NLRP2: variants seen among roughly 807,000 people sequenced by gnomAD.
NLRP2 encodes the protein NACHT, LRR and PYD domains-containing protein 2.
In NLRP2, 107 loss-of-function variants were observed where a neutral mutation model predicts 97.2. That is an observed-to-expected ratio of 1.10 (90% CI 0.94 to 1.29). NLRP2 has a LOEUF of 1.29. NLRP2 is among the 50% of genes most tolerant of loss of function. The pLI, the probability that NLRP2 is intolerant of heterozygous loss-of-function variation, is 0.00. For synonymous variants in NLRP2, 663 were observed against 551.5 expected, an observed-to-expected ratio of 1.20 and a Z score of -2.83; for missense variants, 1,495 against 1,330.3, an observed-to-expected ratio of 1.12 and a Z score of -1.93.
At chr19:54,977,637 C>G in intron 3 of NLRP2, 115 bp from the exon 4 acceptor site, 1 of 981,488 alleles carries the variant, frequency 1.0e-6, no homozygotes, top group Non-Finnish European at 1.6e-6. Flanking sequence ...TATCAACGTC[C>G]TTTTTAGTAC....
intron 10 of NLRP2, chr19:54,991,605 T>C (rs2072480830): frequency 6.6e-6 from 1 of 151,862 alleles, no homozygotes. Context: ...CCTGGCATGG[T>C]GGCTCATGCC....
intron 3 of NLRP2, chr19:54,976,906 C>CT (rs1370680757): frequency 9.8e-6 from 4 of 408,528 alleles, no homozygotes; most frequent in African/African-American, 2.2e-5. Flanking sequence ...TCTCCGCCTC[C>CT]TGGGTTCAAG....
chr19:54,981,236 C>T (rs534419740), intron 4 of NLRP2, among the ~76,000 whole-genome samples: 2 of 152,176 alleles, frequency 1.3e-5, no homozygotes, highest in Admixed American at 1.3e-4. Context: ...GTAGTGCGAT[C>T]TCTTACTACA....
chr19:54,990,714 A>G (rs2072419193), intron 10 of NLRP2, 42 bp downstream of exon 10: 2 of 1,600,342 alleles, frequency 1.2e-6, no homozygotes, highest in Non-Finnish European at 1.7e-6. Context: ...GTGTATATGC[A>G]CACGCCCCCC....
Position 54,982,305 on chromosome 19 carries a change from G to A in NLRP2, c.607G>A (p.Gly203Arg), listed in dbSNP as rs368045816. The change falls in exon 6 of 13, where the codon GGG (glycine) becomes AGG (arginine). Residue 203 changes from glycine to arginine, a missense_variant. Transcript: ENST00000448584. Reference protein sequence around the residue: ...IPFSNPRVLPGPFSYTVVLYG... With the variant: ...IPFSNPRVLPRPFSYTVVLYG... Reference sequence around the variant, plus strand: ...ATTCAGCAACCCCAGGGTGCTTCCCGGGCCCTTCTCATACACGGTGGTGCT... The same window carrying A: ...ATTCAGCAACCCCAGGGTGCTTCCCAGGCCCTTCTCATACACGGTGGTGCT... 8.7e-6 allele frequency: 14 copies of A among 1,613,942 alleles called. No homozygotes were observed. The highest frequency in any genetic ancestry group is 5.0e-5 in the Admixed American group (3 of 59,968).
At chr19:54,990,739 G>GT (rs2072422338) in intron 10 of NLRP2, 67 bp downstream of exon 10, 10 of 1,544,170 alleles carry the variant, frequency 6.5e-6, no homozygotes, top group Non-Finnish European at 9.0e-6. Context: ...CCGGGTTTGA[G>GT]TAGGGTGGTT....
Position 54,997,475 on chromosome 19 carries a change from T to G in NLRP2, c.3038T>G (p.Leu1013Arg). ...FETLTCSSGT[L>R]RTLRLKIDDF... The stretch of plus-strand genomic sequence containing the variant: ...ACCTTGACATGTTCCAGTGGCACCC[T>G]CCGGACACTCAGGTATGATCCATTT... Residue 1013 changes from leucine to arginine, a missense_variant, in exon 12 of 13, where the codon CTC (leucine) becomes CGC (arginine). Physicochemically the swap from Leu to Arg is moderately radical, Grantham distance 102. Transcript: ENST00000448584. 1 of 1,614,160 alleles carries G rather than the reference T, an allele frequency of 6.2e-7. No individual in the cohort carries two copies. Among genetic ancestry groups the G allele is most frequent in the Non-Finnish European group, 8.5e-7 (1 of 1,180,018 alleles).
chr19:54,973,768 CTG>C (rs2146361073), intron 2 of NLRP2: 1 of 541,426 alleles, frequency 1.8e-6, no homozygotes, highest in Non-Finnish European at 3.6e-6. Flanking sequence ...GGTCTGGGCT[CTG>C]AAAAAGATAC....
In NLRP2 at chr19:54,985,196, C is replaced by G. The variant is rs758035297; in HGVS notation, c.2180C>G (p.Thr727Ser). The change falls in exon 7 of 13, where the codon ACC (threonine) becomes AGC (serine). Residue 727 changes from threonine (T) to serine (S), a missense_variant. Transcript: ENST00000448584. ...RILCEQIASD[T>S]CHLQRVVFKN... Reference sequence around the variant, plus strand: ...CTGTGTGAACAAATAGCCTCTGACACCTGTCATCTCCAGAGAGTGGTGTAA... The same window carrying G: ...CTGTGTGAACAAATAGCCTCTGACAGCTGTCATCTCCAGAGAGTGGTGTAA... 1.2e-6 allele frequency: 2 copies of G among 1,613,920 alleles called. No homozygotes were observed. Among genetic ancestry groups the G allele is most frequent in the East Asian group, 4.5e-5 (2 of 44,892 alleles).
Position 54,986,319 on chromosome 19 carries a change from T to TG in NLRP2, c.2366+4_2366+5insG. 1.2e-6 allele frequency: 2 copies of TG among 1,611,484 alleles called. No individual in the cohort carries two copies. The highest frequency in any genetic ancestry group is 1.7e-6 in the Non-Finnish European group (2 of 1,177,624). ...AATGTAACCTGCGATATCTCGGGTA[T>TG]ATCTCTTAATCATTAAAATCCTTCA... On this transcript the variant is annotated splice_donor_region_variant and intron_variant, in intron 8 of 12. Transcript: ENST00000448584.
intron 3 of NLRP2, chr19:54,976,773 C>T (rs2071254718): frequency 4.8e-6 from 2 of 419,526 alleles, no homozygotes; most frequent in Non-Finnish European, 4.6e-6. Context: ...CAGGGTTAAG[C>T]TGCAGATATT....
At chr19:54,979,653 C>T (rs953511624) in intron 4 of NLRP2, among the ~76,000 whole-genome samples, 1 of 151,810 alleles carries the variant, frequency 6.6e-6, no homozygotes, top group Non-Finnish European at 1.5e-5. Flanking sequence ...ACCTAGCCCA[C>T]ATTGACTTTT....
rs1446138202 is a variant in NLRP2 at position 54,970,129 on chromosome 19, G to C, written c.114G>C (p.Glu38Asp). ...YLITTFSLAH[E>D]LQKIPHKEVD... is the part of the protein sequence containing the mutation. ...TCACGACCTTCTCCCTGGCACACGA[G>C]CTCCAGAAGATCCCCCACAAGGAGG... Residue 38 changes from glutamate (E) to aspartate (D), a missense_variant, in exon 2 of 13, where the codon GAG becomes GAC. By Grantham distance (45) the Glu-to-Asp change is conservative (BLOSUM62 2). Coordinates refer to ENST00000448584, the MANE Select transcript of NLRP2 (RefSeq NM_017852.5). The C allele has an allele frequency of 6.2e-7, 1 of 1,614,090 alleles. No individual in the cohort carries two copies. The highest frequency in any genetic ancestry group is 1.1e-5 in the South Asian group (1 of 91,086).
rs754698461 is a variant in NLRP2, at chr19:54,982,324, T to C, written c.626T>C (p.Val209Ala). The change falls in exon 6 of 13, where the codon GTG (valine) becomes GCG (alanine). Residue 209 changes from valine (V) to alanine (A), a missense_variant. Coordinates refer to ENST00000448584, the MANE Select transcript of NLRP2 (RefSeq NM_017852.5). ...CTTCCCGGGCCCTTCTCATACACGG[T>C]GGTGCTGTATGGTCCTGCAGGCCTT... is the stretch of plus-strand genomic sequence containing the variant. ...RVLPGPFSYT[V>A]VLYGPAGLGK... 1 of 1,614,046 alleles carries C rather than the reference T, an allele frequency of 6.2e-7. No individual in the cohort carries two copies. The highest frequency in any genetic ancestry group is 1.1e-5 in the South Asian group (1 of 91,064).
intron 10 of NLRP2, chr19:54,993,920 C>G (rs1243241258): frequency 2.7e-6 from 1 of 374,286 alleles, no homozygotes; most frequent in East Asian, 5.6e-5. Flanking sequence ...CATCTTCAAA[C>G]GTTGCCCTGG....
intron 3 of NLRP2, among the ~76,000 whole-genome samples, 199 bp from the exon 4 acceptor site, chr19:54,977,553 A>C (rs1465802865): frequency 6.6e-6 from 1 of 151,010 alleles, no homozygotes; most frequent in Non-Finnish European, 1.5e-5. Context: ...TGAACTACTT[A>C]GGAATTCTCA....
chr19:54,972,080 G>A (rs1488400401), intron 2 of NLRP2, among the ~76,000 whole-genome samples: 3 of 147,784 alleles, frequency 2.0e-5, no homozygotes, highest in African/African-American at 5.0e-5. Flanking sequence ...GTGACCTCAT[G>A]ATCTGCCCGC....
intron 10 of NLRP2, among the ~76,000 whole-genome samples, chr19:54,992,551 G>GTTTTT (rs1352367401): frequency 4.2e-5 from 1 of 24,012 alleles, no homozygotes; most frequent in Non-Finnish European, 7.4e-5. Flanking sequence ...GGGGGGGGGG[G>GTTTTT]TTTTCTTTTT....
At chr19:54,984,077 C>T (rs529533777) in intron 6 of NLRP2, among the ~76,000 whole-genome samples, 12 of 151,816 alleles carry the variant, frequency 7.9e-5, no homozygotes, top group Non-Finnish European at 1.0e-4. Flanking sequence ...TCTTGAACTC[C>T]GCCTGACCTC....
Sources: allele counts gnomAD v4.1 joint callset (sites outside exome capture counted in the v4.1 genomes callset), GRCh38; gene constraint gnomAD v4.1.1; transcripts MANE v1.5; gene names NCBI Gene and HGNC (gene_info 2026-07-23, HGNC 2026-07-21).